ABCA9: variants seen among roughly 807,000 people sequenced by gnomAD.
ABCA9 encodes the protein ATP-binding cassette sub-family A member 9.
ABCA9 carries 183 observed loss-of-function variants against 205.3 expected under a neutral mutation model. The ratio of observed to expected loss-of-function variants is 0.89; its 90% confidence interval spans 0.79 to 1.01. The LOEUF is 1.01. Among genes scored for constraint, ABCA9 ranks in the 50% least tolerant of loss-of-function variants. The pLI, the probability that ABCA9 is intolerant of heterozygous loss-of-function variation, is 0.00. For missense variants in ABCA9, 1,805 were observed against 1,912.4 expected, an observed-to-expected ratio of 0.94 and a Z score of 1.05; for synonymous variants, 651 against 683.3, an observed-to-expected ratio of 0.95 and a Z score of 0.74.
chr17:69,004,743 G>A (rs372487220), intron 25 of ABCA9: 680 of 132,344 alleles, frequency 5.1e-3, no homozygotes, highest in South Asian at 0.016. Context: ...ATCTCAGACT[G>A]CTGTGCTAGC....
At chr17:69,062,527 T>G (rs2072283006), upstream of ABCA9, among the ~76,000 whole-genome samples, 1 of 152,062 alleles carries the variant, frequency 6.6e-6, no homozygotes, top group Non-Finnish European at 1.5e-5. Context: ...TTTATTTATT[T>G]TGAGACGGAG....
intron 25 of ABCA9, among the ~76,000 whole-genome samples, chr17:68,998,663 G>A (rs1395114058): frequency 6.6e-6 from 1 of 151,904 alleles, no homozygotes; most frequent in African/African-American, 2.4e-5. Flanking sequence ...TTATTCTTTT[G>A]TTGGATTGGT....
chr17:68,978,324 G>T (rs1567907846), intron 37 of ABCA9, among the ~76,000 whole-genome samples: 1 of 152,000 alleles, frequency 6.6e-6, no homozygotes, highest in East Asian at 1.9e-4. Flanking sequence ...TTGCTTGGTA[G>T]ATCTTCCTCC....
intron 25 of ABCA9, among the ~76,000 whole-genome samples, chr17:69,000,448 G>A (rs1172315500): frequency 2.0e-4 from 30 of 152,098 alleles, no homozygotes; most frequent in Middle Eastern, 3.4e-3. Context: ...GATAAGCGGC[G>A]TTATTTCTGA....
At chr17:69,042,798 GA>G (rs2071586046) in intron 6 of ABCA9, 1 of 152,200 alleles carries the variant, frequency 6.6e-6, no homozygotes, top group Non-Finnish European at 1.5e-5. Flanking sequence ...ACTACTTTAT[GA>G]AAGTGGCAAC....
At chr17:68,995,100 G>A (rs1039397911) in intron 26 of ABCA9, among the ~76,000 whole-genome samples, 2 of 152,180 alleles carry the variant, frequency 1.3e-5, no homozygotes, top group Non-Finnish European at 2.9e-5. Flanking sequence ...TGACGTTCGT[G>A]TAGTCATAGC....
rs777197161 is a variant in ABCA9, at chr17:69,021,751, C to G, written c.2392G>C (p.Asp798His). The change falls in exon 18 of 39, where the codon GAT becomes CAT. Residue 798 changes from aspartate (D) to histidine (H), a missense_variant. Transcript: ENST00000340001. ...FLKLEGKSTI[D>H]ESDIGIWGQL... ...TCTTATTTTTTCTTACCTGATTCAT[C>G]AATAGTTGATTTTCCTTCTAATTTC... 15 of 1,573,884 alleles carry G rather than the reference C, an allele frequency of 9.5e-6. 1 individual carries two copies. The highest frequency in any genetic ancestry group is 1.7e-4 in the Middle Eastern group (1 of 5,894).
chr17:69,004,465 C>G (rs916889644), intron 25 of ABCA9, among the ~76,000 whole-genome samples: 1 of 152,218 alleles, frequency 6.6e-6, no homozygotes, highest in African/African-American at 2.4e-5. Flanking sequence ...GGCAGTCTGC[C>G]CGTTCTCAGA....
chr17:69,040,789 A>C (rs1329163133), intron 6 of ABCA9, among the ~76,000 whole-genome samples: 1 of 150,282 alleles, frequency 6.7e-6, no homozygotes, highest in Non-Finnish European at 1.5e-5. Context: ...CCAATCCCCA[A>C]TATAGATAAT....
chr17:69,067,636 CAAAGAGAAAGAAAAG>C, the ABCA9 span, among the ~76,000 whole-genome samples: 1 of 147,554 alleles, frequency 6.8e-6, no homozygotes, highest in Non-Finnish European at 1.5e-5. Context: ...AAGAAAGAAA[CAAAGAGAAAGAAAAG>C]AAAGAGAAAG....
Position 69,021,744 on chromosome 17 carries a change from G to T in ABCA9, c.2399C>A (p.Ser800Ter). ...TTCTCTTTCTTATTTTTTCTTACCT[G>T]ATTCATCAATAGTTGATTTTCCTTC... is the stretch of plus-strand genomic sequence containing the variant. ...KLEGKSTIDE[S>*]DIGIWGQLQT... Residue 800 changes from serine to a stop codon, truncating the protein, a stop_gained and splice_region_variant, in exon 18 of 39, where the codon TCA becomes TAA. Transcript: ENST00000340001. LOFTEE classifies it high-confidence loss of function. The T allele has an allele frequency of 1.3e-6, 2 of 1,537,850 alleles. No individual in the cohort carries two copies. Among genetic ancestry groups the T allele is most frequent in the African/African-American group, 1.4e-5 (1 of 72,002 alleles).
At chr17:69,004,559 C>A (rs1221692818) in intron 25 of ABCA9, among the ~76,000 whole-genome samples, 1 of 152,262 alleles carries the variant, frequency 6.6e-6, no homozygotes, top group Non-Finnish European at 1.5e-5. Flanking sequence ...TTACTGCTGT[C>A]TTTTTGTTTG....
At position 68,976,214 on chromosome 17, in the gene ABCA9, A is replaced by G. The variant is rs371641163; in HGVS notation, c.4721-24T>C. The G allele has an allele frequency of 4.3e-4, 696 of 1,602,368 alleles. 1 individual carries two copies. The highest frequency in any genetic ancestry group is 5.7e-4 in the Non-Finnish European group (666 of 1,174,078). On this transcript the variant is annotated intron_variant, in intron 37 of 38. Transcript: ENST00000340001. ...AACTGCATAAGAATGAGCATACATT[A>G]GGAATTCTATTTTTTTTTTCAGTGA... is the stretch of plus-strand genomic sequence containing the variant.
In ABCA9 at chr17:69,033,711, C is replaced by A. The variant is rs1378710093; in HGVS notation, c.1276+15G>T. 3.2e-6 allele frequency: 5 copies of A among 1,575,644 alleles called. No individual in the cohort carries two copies. The highest frequency in any genetic ancestry group is 1.4e-5 in the African/African-American group (1 of 73,596). ...TATTGAAATTGTGTTAAATTACAGC[C>A]ATGTTAGTACTTACCGGGCAAAATT... On this transcript the variant is annotated intron_variant, in intron 9 of 38. Transcript: ENST00000340001.
At chr17:69,005,086 G>C (rs190760992) in intron 25 of ABCA9, among the ~76,000 whole-genome samples, 1 of 152,140 alleles carries the variant, frequency 6.6e-6, no homozygotes, top group Non-Finnish European at 1.5e-5. Flanking sequence ...CGTCTTCTGC[G>C]TCGCTCAGGC....
At chr17:69,011,157 G>A (rs1326070238) in intron 23 of ABCA9, among the ~76,000 whole-genome samples, 1 of 152,122 alleles carries the variant, frequency 6.6e-6, no homozygotes, top group Non-Finnish European at 1.5e-5. Flanking sequence ...ATTTCAAATA[G>A]ATGTAACTAG....
intron 22 of ABCA9, among the ~76,000 whole-genome samples, chr17:69,015,536 G>A (rs2070554646): frequency 6.6e-6 from 1 of 152,112 alleles, no homozygotes; most frequent in Non-Finnish European, 1.5e-5. Flanking sequence ...ATCTAATAAA[G>A]CTGAACATTA....
At chr17:69,031,936 TGA>T (rs2071163523) in intron 10 of ABCA9, among the ~76,000 whole-genome samples, 170 bp downstream of exon 10, 1 of 152,148 alleles carries the variant, frequency 6.6e-6, no homozygotes, top group South Asian at 2.1e-4. Flanking sequence ...GCTGAGAATG[TGA>T]GAAAATAGAG....
intron 1 of ABCA9, among the ~76,000 whole-genome samples, chr17:69,060,574 T>C (rs1043146276): frequency 1.3e-5 from 2 of 151,888 alleles, no homozygotes; most frequent in Non-Finnish European, 2.9e-5. Context: ...TAGTTCATAC[T>C]TGTAAAGAAG....
Sources: allele counts gnomAD v4.1 joint callset (sites outside exome capture counted in the v4.1 genomes callset), GRCh38; gene constraint gnomAD v4.1.1; transcripts MANE v1.5; gene names NCBI Gene and HGNC (gene_info 2026-07-23, HGNC 2026-07-21).